Variants in ADAMTSL1 observed in about 807,000 individuals in gnomAD.
ADAMTSL1 encodes the protein ADAMTS like 1.
ADAMTSL1 carries 126 observed loss-of-function variants against 201.8 expected under a neutral mutation model. The ratio of observed to expected loss-of-function variants is 0.62; its 90% CI spans 0.54 to 0.72. The LOEUF (loss-of-function observed/expected upper bound fraction) is 0.72. ADAMTSL1 is among the 30% of genes least tolerant of loss of function. ADAMTSL1 has a pLI of 0.00. For synonymous variants in ADAMTSL1, 1,121 were observed against 903.4 expected (o/e 1.24, Z -4.32); for missense variants, 2,679 against 2,277.8 (o/e 1.18, Z -3.59).
intron 1 of ADAMTSL1, among the ~76,000 whole-genome samples, chr9:18,099,086 T>G (rs77073463): frequency 6.6e-6 from 1 of 150,426 alleles, no homozygotes; most frequent in Non-Finnish European, 1.5e-5. Flanking sequence ...ATGACTTTTT[T>G]GCAGGTTGAC....
chr9:18,287,018 A>C (rs1403073155), intron 2 of ADAMTSL1, among the ~76,000 whole-genome samples: 2 of 152,160 alleles, frequency 1.3e-5, no homozygotes, highest in Admixed American at 1.3e-4. Flanking sequence ...AAATAATCCC[A>C]AATTCTCAGT....
intron 2 of ADAMTSL1, among the ~76,000 whole-genome samples, chr9:18,427,783 G>T (rs1819291543): frequency 1.3e-5 from 2 of 152,240 alleles, no homozygotes; most frequent in Non-Finnish European, 2.9e-5. Context: ...TTTTATTTAA[G>T]ATGTGTTGGC....
intron 2 of ADAMTSL1, among the ~76,000 whole-genome samples, chr9:18,428,605 T>C (rs1308754387): frequency 6.6e-6 from 1 of 151,844 alleles, no homozygotes; most frequent in African/African-American, 2.4e-5. Flanking sequence ...AGACCCTGTC[T>C]CAAAAAAGAA....
chr9:18,849,948 G>A (rs1008152183), intron 23 of ADAMTSL1, among the ~76,000 whole-genome samples: 4 of 152,046 alleles, frequency 2.6e-5, no homozygotes, highest in African/African-American at 9.7e-5. Flanking sequence ...CATTTCAGAG[G>A]GCATTTACAA....
chr9:18,518,702 C>G (rs377093059), intron 2 of ADAMTSL1, among the ~76,000 whole-genome samples: 9 of 152,064 alleles, frequency 5.9e-5, no homozygotes, highest in African/African-American at 2.2e-4. Flanking sequence ...ATATGGTTTT[C>G]TTTTCTTTTT....
chr9:18,718,666 T>G (rs1374490884), intron 14 of ADAMTSL1: 1 of 351,488 alleles, frequency 2.8e-6, no homozygotes, highest in African/African-American at 2.1e-5. Context: ...TTTACACACC[T>G]GACTCTGGGC....
chr9:18,518,983 C>G (rs963754917), intron 2 of ADAMTSL1, among the ~76,000 whole-genome samples: 2 of 152,148 alleles, frequency 1.3e-5, no homozygotes, highest in African/African-American at 2.4e-5. Context: ...CTTTAAAATG[C>G]TGGCCTTTTG....
At chr9:18,223,274 T>C (rs1248217953) in intron 2 of ADAMTSL1, among the ~76,000 whole-genome samples, 1 of 151,846 alleles carries the variant, frequency 6.6e-6, no homozygotes, top group East Asian at 1.9e-4. Flanking sequence ...GATTTGGGGG[T>C]TTCAGATTTG....
intron 7 of ADAMTSL1, among the ~76,000 whole-genome samples, chr9:18,646,390 C>T (rs1188377681): frequency 6.6e-6 from 1 of 151,846 alleles, no homozygotes; most frequent in Non-Finnish European, 1.5e-5. Flanking sequence ...TTTCCTTCTC[C>T]TGCCTAATTG....
chr9:18,880,948 A>G (rs993243683), intron 23 of ADAMTSL1, among the ~76,000 whole-genome samples: 3 of 152,182 alleles, frequency 2.0e-5, no homozygotes, highest in African/African-American at 7.2e-5. Context: ...TTGCACTTTT[A>G]TGTAAGAGAG....
At chr9:18,273,789 A>C (rs1832479342) in intron 2 of ADAMTSL1, among the ~76,000 whole-genome samples, 1 of 152,198 alleles carries the variant, frequency 6.6e-6, no homozygotes, top group Non-Finnish European at 1.5e-5. Flanking sequence ...GACAAAATGT[A>C]ATGTGAAGGC....
At position 18,787,825 on chromosome 9, in the gene ADAMTSL1, C is replaced by T. The variant is rs577265176; in HGVS notation, c.3678-7572C>T. Among the ~76,000 whole-genome samples, 8 of 152,172 alleles carry T rather than the reference C, an allele frequency of 5.3e-5. No individual in the cohort carries two copies. The South Asian group carries it at 6.2e-4, about 12-fold the overall frequency. On this transcript the variant is annotated intron_variant, in intron 19 of 28. Transcript: ENST00000380548. ...GGCTGCAGTTTGAGGACCCCTATCC[C>T]TAGTGGATAGGAAATCCAGTCAGTC...
intron 4 of ADAMTSL1, among the ~76,000 whole-genome samples, chr9:18,599,968 T>C (rs951759814): frequency 1.9e-4 from 24 of 124,232 alleles, no homozygotes; most frequent in Non-Finnish European, 3.0e-4. Context: ...CTGGCTAACA[T>C]GGTGAAACCT....
chr9:18,798,858 T>C (rs1004451985), intron 20 of ADAMTSL1, among the ~76,000 whole-genome samples: 1 of 152,244 alleles, frequency 6.6e-6, no homozygotes, highest in East Asian at 1.9e-4. Flanking sequence ...TCTTTGAACA[T>C]GTAAACACCA....
chr9:18,283,528 C>A (rs1832872477), intron 2 of ADAMTSL1, among the ~76,000 whole-genome samples: 1 of 148,194 alleles, frequency 6.7e-6, no homozygotes, highest in African/African-American at 2.5e-5. Context: ...TTCGCTTGAG[C>A]CTGGGAAGTT....
At chr9:17,993,529 A>T (rs1819248522) in intron 1 of ADAMTSL1, among the ~76,000 whole-genome samples, 1 of 152,116 alleles carries the variant, frequency 6.6e-6, no homozygotes, top group African/African-American at 2.4e-5. Flanking sequence ...TATTGCTCAT[A>T]AATTTTCGTT....
In ADAMTSL1 at chr9:18,749,954, G is replaced by A. The variant is rs141817311; in HGVS notation, c.2007-3344G>A. On this transcript the variant is annotated intron_variant, in intron 15 of 28. Coordinates refer to ENST00000380548, the MANE Select transcript of ADAMTSL1 (RefSeq NM_001040272.6). ...GGTCCCAGGGGCTAAATTTCTGCCAGAAATGGTGGCAGAGTTTGGGGAAGT... is the reference window on the plus strand; with the variant it reads ...GGTCCCAGGGGCTAAATTTCTGCCAAAAATGGTGGCAGAGTTTGGGGAAGT... Among the ~76,000 whole-genome samples, 1,237 of 152,296 alleles carry A rather than the reference G, an allele frequency of 8.1e-3. 8 individuals are homozygous for A. Among genetic ancestry groups the A allele is most frequent in the Middle Eastern group, 0.017 (5 of 294 alleles).
At chr9:18,793,153 T>G (rs1241003955) in intron 19 of ADAMTSL1, 1 of 152,184 alleles carries the variant, frequency 6.6e-6, no homozygotes, top group Non-Finnish European at 1.5e-5. Flanking sequence ...AAACTTCCTT[T>G]AACTAAGGTG....
At chr9:17,985,666 A>G (rs921054254) in intron 1 of ADAMTSL1, among the ~76,000 whole-genome samples, 11 of 152,144 alleles carry the variant, frequency 7.2e-5, no homozygotes, top group African/African-American at 2.7e-4. Flanking sequence ...TATATTACAT[A>G]ATTATACACA....
Sources: allele counts gnomAD v4.1 joint callset (sites outside exome capture counted in the v4.1 genomes callset), GRCh38; gene constraint gnomAD v4.1.1; transcripts MANE v1.5; gene names NCBI Gene and HGNC (gene_info 2026-07-23, HGNC 2026-07-21).